NHS: variants seen among roughly 807,000 people sequenced by gnomAD.
NHS encodes the protein NHS actin remodeling regulator.
NHS carries 5 observed loss-of-function variants against 72.5 expected under a neutral mutation model. The ratio of observed to expected loss-of-function variants is 0.07; its 90% CI spans 0.04 to 0.14. The LOEUF (loss-of-function observed/expected upper bound fraction) is 0.14. Among genes scored for constraint, NHS ranks in the 10% least tolerant of loss-of-function variants. NHS has a pLI of 1.00. For synonymous variants in NHS, 464 were observed against 547.7 expected (o/e 0.85, Z 2.13); for missense variants, 1,072 against 1,355.7 (o/e 0.79, Z 3.29).
chrX:17,497,331 C>T (rs1394479483), intron 1 of NHS, among the ~76,000 whole-genome samples: 1 of 111,886 alleles, frequency 8.9e-6, no homozygotes, highest in Non-Finnish European at 1.9e-5. Flanking sequence ...GTCCTCTGTA[C>T]TGTTGAGTTT....
At chrX:17,485,250 C>T (rs768088842) in intron 1 of NHS, among the ~76,000 whole-genome samples, 51 of 112,170 alleles carry the variant, frequency 4.5e-4, no homozygotes, top group East Asian at 1.1e-3. Flanking sequence ...ACAAACTAAG[C>T]GAGTATTAGG....
intron 1 of NHS, among the ~76,000 whole-genome samples, chrX:17,592,061 T>C (rs1340332260): frequency 8.9e-6 from 1 of 111,791 alleles, no homozygotes; most frequent in Admixed American, 9.5e-5. Flanking sequence ...AATACACATA[T>C]GTATAATAGT....
At chrX:17,686,370 C>A (rs1366181869) in intron 1 of NHS, among the ~76,000 whole-genome samples, 1 of 111,631 alleles carries the variant, frequency 9.0e-6, no homozygotes, top group Non-Finnish European at 1.9e-5. Context: ...AAGTTACCAC[C>A]CTAAGCCTCT....
intron 1 of NHS, among the ~76,000 whole-genome samples, chrX:17,452,366 G>A (rs1465625824): frequency 1.8e-5 from 2 of 111,711 alleles, no homozygotes; most frequent in Non-Finnish European, 3.8e-5. Context: ...GATAGGAAGT[G>A]GAGGCTTTAC....
At chrX:17,454,377 C>G (rs2064817768) in intron 1 of NHS, among the ~76,000 whole-genome samples, 1 of 111,989 alleles carries the variant, frequency 8.9e-6, no homozygotes, top group Non-Finnish European at 1.9e-5. Flanking sequence ...GTCCTAGTCA[C>G]TGGCAATCCC....
At position 17,726,779 on chromosome X, in the gene NHS, T is replaced by C. The variant is rs1569319911; in HGVS notation, c.2673T>C (p.Pro891=). ...LPHSSREMKL[P]LDFANTPSRM... ...ACAGTTCCAGGGAAATGAAGCTGCC[T>C]CTTGATTTCGCCAACACGCCTTCTC... Residue 891 remains proline (P), a synonymous_variant, in exon 7 of 9, where the codon CCT becomes CCC. Transcript: ENST00000676302. 5.0e-6 allele frequency: 6 copies of C among 1,210,295 alleles called. No individual in the cohort carries two copies. In the Admixed American group the frequency reaches 1.1e-4, roughly 22 times the overall value.
chrX:17,436,335 C>T (rs900142289), intron 1 of NHS, among the ~76,000 whole-genome samples: 4 of 110,483 alleles, frequency 3.6e-5, no homozygotes, highest in Non-Finnish European at 7.6e-5. Flanking sequence ...CTCACAAAAT[C>T]CCCAATCGTT....
intron 1 of NHS, among the ~76,000 whole-genome samples, chrX:17,667,152 C>T (rs902409922): frequency 1.4e-4 from 16 of 112,816 alleles, no homozygotes; most frequent in Non-Finnish European, 2.8e-4. Flanking sequence ...AGCTCAGACT[C>T]TCTGGCCTGC....
chrX:17,416,441 A>G (rs942520981), intron 1 of NHS, among the ~76,000 whole-genome samples: 2 of 111,791 alleles, frequency 1.8e-5, no homozygotes, highest in African/African-American at 6.5e-5. Context: ...GCTGCTTAAA[A>G]TACCTTTTCT....
chrX:17,523,015 A>G (rs920581541), intron 1 of NHS, among the ~76,000 whole-genome samples: 11 of 111,285 alleles, frequency 9.9e-5, no homozygotes, highest in African/African-American at 3.6e-4. Flanking sequence ...ATCACTTGCT[A>G]GGAAAAAAAA....
At chrX:17,447,789 A>G (rs866318242) in intron 1 of NHS, among the ~76,000 whole-genome samples, 53 of 100,479 alleles carry the variant, frequency 5.3e-4, no homozygotes, top group African/African-American at 7.6e-4. Context: ...ACACACGCAC[A>G]CACACACACA....
At chrX:17,636,953 GGGCA>G (rs1355533302) in intron 1 of NHS, among the ~76,000 whole-genome samples, 1 of 111,803 alleles carries the variant, frequency 8.9e-6, no homozygotes, top group Non-Finnish European at 1.9e-5. Flanking sequence ...ATTATTTGAT[GGGCA>G]GGCCAATTAT....
intron 1 of NHS, among the ~76,000 whole-genome samples, chrX:17,623,492 AG>A (rs1212610706): frequency 9.1e-6 from 1 of 109,952 alleles, no homozygotes; most frequent in Non-Finnish European, 1.9e-5. Flanking sequence ...GGATGGGGGT[AG>A]GGGGGAGGTG....
chrX:17,567,391 G>C (rs1476440337), intron 1 of NHS, among the ~76,000 whole-genome samples: 2 of 112,417 alleles, frequency 1.8e-5, no homozygotes, highest in Non-Finnish European at 3.8e-5. Context: ...AAATGAGAAA[G>C]ACAGTTGGCT....
At chrX:17,660,632 T>A (rs1270794830) in intron 1 of NHS, among the ~76,000 whole-genome samples, 1 of 112,330 alleles carries the variant, frequency 8.9e-6, no homozygotes, top group African/African-American at 3.2e-5. Flanking sequence ...CCTCTCCACA[T>A]AGTCTTTCCC....
intron 1 of NHS, among the ~76,000 whole-genome samples, chrX:17,507,186 C>T (rs2065062753): frequency 8.9e-6 from 1 of 112,454 alleles, no homozygotes; most frequent in African/African-American, 3.2e-5. Context: ...TCTACTCTTC[C>T]TTTGTAAAAG....
At chrX:17,400,777 A>G (rs1277987804) in intron 1 of NHS, among the ~76,000 whole-genome samples, 2 of 112,197 alleles carry the variant, frequency 1.8e-5, no homozygotes, top group Admixed American at 9.5e-5. Context: ...TTCGCGGATC[A>G]GAAGATTCAA....
intron 1 of NHS, among the ~76,000 whole-genome samples, chrX:17,445,385 C>A (rs1042091747): frequency 9.0e-6 from 1 of 111,567 alleles, no homozygotes; most frequent in South Asian, 3.8e-4. Flanking sequence ...TGTTATCTTG[C>A]CTCTTTTTGT....
intron 1 of NHS, among the ~76,000 whole-genome samples, chrX:17,594,361 A>G (rs1033439038): frequency 9.0e-6 from 1 of 111,649 alleles, no homozygotes; most frequent in African/African-American, 3.3e-5. Context: ...AATGGAAGAA[A>G]GGGAGTCTTT....
Sources: gnomAD v4.1 joint callset for allele counts (sites outside exome capture counted in the v4.1 genomes callset) on GRCh38, gnomAD v4.1.1 for gene constraint, MANE v1.5 for transcripts, NCBI Gene and HGNC (gene_info 2026-07-23, HGNC 2026-07-21) for gene names.